The following PCDH9 variants were observed in gnomAD, a reference collection of about 807,000 sequenced individuals.
The protein encoded by PCDH9 is protocadherin 9.
PCDH9 carries 24 observed loss-of-function variants against 70.6 expected under a neutral mutation model. The observed-to-expected ratio is 0.34, with a 90% CI of 0.25 to 0.48. The LOEUF (loss-of-function observed/expected upper bound fraction) is 0.48, where lower values mean the gene tolerates loss of function less well. Among genes scored for constraint, PCDH9 ranks in the 20% least tolerant of loss-of-function variants. The pLI, the probability that PCDH9 is intolerant of heterozygous loss-of-function variation, is 0.99. For synonymous variants in PCDH9, 562 were observed against 558.5 expected, an observed-to-expected ratio of 1.01 and a Z score of -0.09; for missense variants, 1,281 against 1,503.6, an observed-to-expected ratio of 0.85 and a Z score of 2.45.
At chr13:67,157,849 T>C (rs980055823) in intron 2 of PCDH9, among the ~76,000 whole-genome samples, 5 of 152,190 alleles carry the variant, frequency 3.3e-5, no homozygotes, top group African/African-American at 1.2e-4. Context: ...GAAACCTTAA[T>C]GGGCATCATC....
intron 3 of PCDH9, among the ~76,000 whole-genome samples, chr13:66,655,454 G>A (rs1163154494): frequency 6.6e-6 from 1 of 151,850 alleles, no homozygotes; most frequent in Non-Finnish European, 1.5e-5. Flanking sequence ...AGGCAATTTT[G>A]GCTAGAATAT....
chr13:66,754,540 T>G (rs2079511503), intron 3 of PCDH9, among the ~76,000 whole-genome samples: 1 of 152,008 alleles, frequency 6.6e-6, no homozygotes, highest in African/African-American at 2.4e-5. Context: ...AAGAAACAGT[T>G]TATGAAGAGA....
intron 4 of PCDH9, among the ~76,000 whole-genome samples, chr13:66,521,488 A>ACAT (rs1280297406): frequency 2.0e-5 from 3 of 152,188 alleles, no homozygotes; most frequent in African/African-American, 7.2e-5. Context: ...TAGGTAGCTA[A>ACAT]CATAGAATTT....
At chr13:66,856,367 C>A (rs1013754187) in intron 3 of PCDH9, among the ~76,000 whole-genome samples, 6 of 152,020 alleles carry the variant, frequency 3.9e-5, no homozygotes, top group African/African-American at 1.4e-4. Flanking sequence ...ATGTAAGACA[C>A]TGAGCCTTGC....
intron 2 of PCDH9, among the ~76,000 whole-genome samples, chr13:67,120,264 C>T (rs536770426): frequency 6.4e-4 from 97 of 151,366 alleles, no homozygotes; most frequent in African/African-American, 2.2e-3. Context: ...CCAGAAAAGT[C>T]ACTTAGATCT....
In PCDH9 at chr13:66,746,225, C is replaced by T. The variant is rs533046228; in HGVS notation, c.3139-114814G>A. On this transcript the variant is annotated intron_variant, in intron 3 of 4. Coordinates refer to ENST00000377865, the MANE Select transcript of PCDH9 (RefSeq NM_203487.3). ...TTACTTACACCATCTAAAAACAATG[C>T]TATGTTAATAAAAAGAATAAAAAGA... Among the ~76,000 whole-genome samples the T allele has an allele frequency of 5.3e-5, 8 of 152,176 alleles. No individual in the cohort carries two copies. The South Asian group carries it at 1.5e-3, about 28-fold the overall frequency.
chr13:66,764,044 T>C (rs530249098), intron 3 of PCDH9, among the ~76,000 whole-genome samples: 2 of 152,008 alleles, frequency 1.3e-5, no homozygotes, highest in South Asian at 4.2e-4. Context: ...GGTGATCCAC[T>C]TGCCTTGGCC....
chr13:67,108,738 AT>A (rs2086597359), intron 2 of PCDH9, among the ~76,000 whole-genome samples: 1 of 152,116 alleles, frequency 6.6e-6, no homozygotes, highest in Non-Finnish European at 1.5e-5. Flanking sequence ...TGGGTACTAT[AT>A]TTAATGACTA....
At chr13:67,033,514 G>A (rs1346864260) in intron 2 of PCDH9, among the ~76,000 whole-genome samples, 1 of 152,126 alleles carries the variant, frequency 6.6e-6, no homozygotes, top group Non-Finnish European at 1.5e-5. Context: ...TGTTGGGGTT[G>A]TATAACTTTT....
intron 4 of PCDH9, among the ~76,000 whole-genome samples, chr13:66,432,913 T>C (rs1450924458): frequency 6.6e-6 from 1 of 151,996 alleles, no homozygotes; most frequent in Non-Finnish European, 1.5e-5. Flanking sequence ...TCCCAGGGCA[T>C]AGACTGTGCA....
At chr13:66,669,990 ACCAAAAGGTACCTCTAAAAGAGGACTTC>A (rs1408030255) in intron 3 of PCDH9, among the ~76,000 whole-genome samples, 1 of 152,152 alleles carries the variant, frequency 6.6e-6, no homozygotes, top group Admixed American at 6.5e-5. Flanking sequence ...TTCAGTCTCC[ACCAAAAGGTACCTCTAAAAGAGGACTTC>A]CTTGAACACC....
chr13:67,181,875 C>T (rs1311673791), intron 2 of PCDH9, among the ~76,000 whole-genome samples: 2 of 152,176 alleles, frequency 1.3e-5, no homozygotes, highest in African/African-American at 4.8e-5. Flanking sequence ...CTCGTGCCTC[C>T]TCAGCAACAT....
At chr13:67,042,886 G>T (rs2085149912) in intron 2 of PCDH9, among the ~76,000 whole-genome samples, 1 of 151,776 alleles carries the variant, frequency 6.6e-6, no homozygotes. Context: ...TGTTAGGTTA[G>T]AAATTACATA....
intron 4 of PCDH9, among the ~76,000 whole-genome samples, chr13:66,408,939 A>G (rs1195093152): frequency 1.3e-5 from 2 of 152,198 alleles, no homozygotes; most frequent in Non-Finnish European, 2.9e-5. Flanking sequence ...TTCTAAGGCT[A>G]TAGAAACATA....
chr13:66,804,371 A>G (rs1388898184), intron 3 of PCDH9, among the ~76,000 whole-genome samples: 1 of 152,216 alleles, frequency 6.6e-6, no homozygotes, highest in Non-Finnish European at 1.5e-5. Flanking sequence ...GGCATAAACA[A>G]TGAGAAAATA....
rs1169565548 is a variant in PCDH9, at chr13:67,106,463, G to A, written c.3036+118942C>T. ...ATCATCTTTAAGTGAAAAGCAGGAG[G>A]TTAATCATCAGTTGTGATTTCATAT... On this transcript the variant is annotated intron_variant, in intron 2 of 4. Coordinates refer to ENST00000377865, the MANE Select transcript of PCDH9 (RefSeq NM_203487.3). Among the ~76,000 whole-genome samples, 3 of 152,356 alleles carry A rather than the reference G, an allele frequency of 2.0e-5. No individual in the cohort carries two copies. The South Asian group carries it at 6.2e-4, about 32-fold the overall frequency.
chr13:66,482,039 C>T (rs1186206409), intron 4 of PCDH9, among the ~76,000 whole-genome samples: 1 of 151,924 alleles, frequency 6.6e-6, no homozygotes, highest in Non-Finnish European at 1.5e-5. Flanking sequence ...CACCAAAAAC[C>T]ATAAACTCTA....
At chr13:66,416,376 A>T (rs1957460885) in intron 4 of PCDH9, among the ~76,000 whole-genome samples, 1 of 152,074 alleles carries the variant, frequency 6.6e-6, no homozygotes. Flanking sequence ...ATTCCTACAT[A>T]ATCTGCTTCA....
chr13:66,602,994 G>C (rs1443834653), intron 4 of PCDH9, among the ~76,000 whole-genome samples: 2 of 145,852 alleles, frequency 1.4e-5, no homozygotes, highest in African/African-American at 4.9e-5. Flanking sequence ...TGTAGACTAG[G>C]AGTGTGTAGG....
Sources: gnomAD v4.1 joint callset for allele counts (sites outside exome capture counted in the v4.1 genomes callset) on GRCh38, gnomAD v4.1.1 for gene constraint, MANE v1.5 for transcripts, NCBI Gene and HGNC (gene_info 2026-07-23, HGNC 2026-07-21) for gene names.